HDAC9: variants seen among roughly 807,000 people sequenced by gnomAD.
HDAC9 encodes the protein MEF-2 interacting transcription repressor (MITR) protein.
A neutral mutation model predicts 139.4 loss-of-function variants in HDAC9; 41 were observed. The observed-to-expected ratio is 0.29, with a 90% CI of 0.23 to 0.38. The LOEUF is 0.38. HDAC9 is among the 10% of genes least tolerant of loss of function. The pLI, the probability that HDAC9 is intolerant of heterozygous loss-of-function variation, is 1.00. For synonymous variants in HDAC9, 517 were observed against 476.2 expected (o/e 1.09, Z -1.12); for missense variants, 1,147 against 1,297.0 (o/e 0.88, Z 1.78).
chr7:18,255,134 AGTT>A (rs1214917198), intron 2 of HDAC9, among the ~76,000 whole-genome samples: 3 of 152,184 alleles, frequency 2.0e-5, no homozygotes, highest in African/African-American at 4.8e-5. Flanking sequence ...TTAAAGACTA[AGTT>A]GTTGTTGGTA....
At chr7:18,711,803 C>A (rs947242769) in intron 12 of HDAC9, among the ~76,000 whole-genome samples, 1 of 152,204 alleles carries the variant, frequency 6.6e-6, no homozygotes, top group Non-Finnish European at 1.5e-5. Context: ...GTTCTTTCTA[C>A]TTCTTCCTGA....
intron 12 of HDAC9, among the ~76,000 whole-genome samples, chr7:18,690,442 A>G (rs1347584673): frequency 1.3e-5 from 2 of 151,942 alleles, no homozygotes; most frequent in African/African-American, 4.8e-5. Context: ...GGTGTCTGTG[A>G]GCATAACTTT....
intron 13 of HDAC9, among the ~76,000 whole-genome samples, chr7:18,732,899 A>ACGTGTGCGTATGTGTATACT (rs1786386984): frequency 9.9e-6 from 1 of 100,802 alleles, no homozygotes; most frequent in Non-Finnish European, 2.1e-5. Flanking sequence ...GTGTACACAC[A>ACGTGTGCGTATGTGTATACT]CACGTGTGCG....
At chr7:18,757,822 A>G (rs1789016950) in intron 14 of HDAC9, among the ~76,000 whole-genome samples, 1 of 152,112 alleles carries the variant, frequency 6.6e-6, no homozygotes, top group Non-Finnish European at 1.5e-5. Context: ...CATTTCTTCT[A>G]TAATCGGGAT....
At chr7:18,340,683 T>C (rs1425460620) in intron 1 of HDAC9, among the ~76,000 whole-genome samples, 1 of 142,204 alleles carries the variant, frequency 7.0e-6, no homozygotes, top group African/African-American at 2.5e-5. Context: ...GTCATTGTCA[T>C]AGATTTTACT....
intron 2 of HDAC9, among the ~76,000 whole-genome samples, chr7:18,163,510 A>C (rs1201735168): frequency 6.6e-6 from 1 of 152,152 alleles, no homozygotes; most frequent in South Asian, 2.1e-4. Context: ...AGTGGGGCAC[A>C]GGAATTGTGA....
chr7:18,095,268 A>T (rs937991237), intron 1 of HDAC9, among the ~76,000 whole-genome samples: 2 of 152,086 alleles, frequency 1.3e-5, no homozygotes, highest in Admixed American at 6.6e-5. Context: ...TTCCTACTGT[A>T]GTTTAGGGTT....
intron 2 of HDAC9, among the ~76,000 whole-genome samples, chr7:18,529,999 G>GAC (rs1808329560): frequency 6.6e-6 from 1 of 152,002 alleles, no homozygotes; most frequent in Non-Finnish European, 1.5e-5. Context: ...GGTCGGGCAC[G>GAC]GTGGTTCACT....
intron 2 of HDAC9, among the ~76,000 whole-genome samples, chr7:18,516,246 C>T (rs750953523): frequency 6.6e-6 from 1 of 152,038 alleles, no homozygotes; most frequent in Non-Finnish European, 1.5e-5. Flanking sequence ...GGGCTTATTG[C>T]GTTGGTTTCT....
At chr7:18,542,651 C>A (rs951788571) in intron 2 of HDAC9, among the ~76,000 whole-genome samples, 3 of 152,056 alleles carry the variant, frequency 2.0e-5, no homozygotes, top group African/African-American at 7.2e-5. Context: ...ATATATAAAT[C>A]TATTAAATTT....
intron 2 of HDAC9, among the ~76,000 whole-genome samples, chr7:18,581,774 A>T (rs1326784350): frequency 6.6e-6 from 1 of 152,180 alleles, no homozygotes; most frequent in Non-Finnish European, 1.5e-5. Flanking sequence ...CAGAGCCTTG[A>T]CTAAAAGTTC....
chr7:18,442,006 G>C (rs1339894362), intron 1 of HDAC9, among the ~76,000 whole-genome samples: 1 of 152,020 alleles, frequency 6.6e-6, no homozygotes, highest in African/African-American at 2.4e-5. Flanking sequence ...TCCTGACCTC[G>C]TGATCTGCCC....
At chr7:18,242,385 C>A (rs1325571669) in intron 2 of HDAC9, among the ~76,000 whole-genome samples, 1 of 152,010 alleles carries the variant, frequency 6.6e-6, no homozygotes, top group South Asian at 2.1e-4. Context: ...AACAGAAGTC[C>A]GATTGATTTG....
chr7:18,964,547 AT>A (rs1357838728), intron 24 of HDAC9, among the ~76,000 whole-genome samples: 1 of 152,202 alleles, frequency 6.6e-6, no homozygotes, highest in Non-Finnish European at 1.5e-5. Context: ...GTAAGAGTAT[AT>A]TACTCCATTC....
intron 21 of HDAC9, among the ~76,000 whole-genome samples, chr7:18,845,181 TA>T (rs961160861): frequency 1.3e-5 from 2 of 152,110 alleles, no homozygotes; most frequent in Non-Finnish European, 2.9e-5. Flanking sequence ...GTATGTAGAA[TA>T]AAAAAATTAA....
chr7:18,213,177 G>C (rs1174318456), intron 2 of HDAC9, among the ~76,000 whole-genome samples: 1 of 152,080 alleles, frequency 6.6e-6, no homozygotes, highest in Non-Finnish European at 1.5e-5. Context: ...ACTTTTGACA[G>C]GTTACAGAAA....
At chr7:18,495,488 A>G (rs1191045458), upstream of HDAC9, among the ~76,000 whole-genome samples, 1 of 152,042 alleles carries the variant, frequency 6.6e-6, no homozygotes, top group Non-Finnish European at 1.5e-5. Flanking sequence ...AAGCTTCGAG[A>G]GAGGAAAGAG....
intron 1 of HDAC9, among the ~76,000 whole-genome samples, chr7:18,292,260 A>G (rs556268595): frequency 1.3e-5 from 2 of 152,136 alleles, no homozygotes; most frequent in African/African-American, 4.8e-5. Context: ...ACTAAGGTGC[A>G]GAGAAGCTAA....
Position 18,495,834 on chromosome 7 carries a change from G to T in HDAC9, c.-231G>T. ...GGGTTTTTGCAACAAAACCCTAGCA[G>T]CCTGAAGAACTCTAAGCCAGGTTTA... On this transcript the variant is annotated 5_prime_UTR_variant, in exon 1 of 26. Coordinates refer to ENST00000686413, the MANE Select transcript of HDAC9 (RefSeq NM_178425.4). 1 of 1,033,170 alleles carries T rather than the reference G, an allele frequency of 9.7e-7. No individual in the cohort carries two copies. Among genetic ancestry groups the T allele is most frequent in the Non-Finnish European group, 1.2e-6 (1 of 861,672 alleles). 64.0% of individuals were successfully genotyped at this position (1,033,170 alleles called of 1,614,324 possible). A position where few individuals can be genotyped will look rare whatever the true frequency, so the allele number is the denominator to read the frequency against.
Sources: gnomAD v4.1 joint callset for allele counts (sites outside exome capture counted in the v4.1 genomes callset) on GRCh38, gnomAD v4.1.1 for gene constraint, MANE v1.5 for transcripts, NCBI Gene and HGNC (gene_info 2026-07-23, HGNC 2026-07-21) for gene names.